Variants in TGM2 observed in about 807,000 individuals in gnomAD.
TGM2 encodes transglutaminase 2, also known as protein-glutamine gamma-glutamyltransferase 2.
TGM2 carries 53 observed loss-of-function variants against 75.6 expected under a neutral mutation model. The ratio of observed to expected loss-of-function variants is 0.70; its 90% CI spans 0.56 to 0.88. TGM2 has a LOEUF of 0.88. TGM2 is among the 40% of genes least tolerant of loss of function. The probability of loss-of-function intolerance (pLI) is 0.00; values close to 1 mark genes in which losing one functional copy is unlikely to be tolerated. For synonymous variants in TGM2, 374 were observed against 381.1 expected, an observed-to-expected ratio of 0.98 and a Z score of 0.22; for missense variants, 842 against 928.5, an observed-to-expected ratio of 0.91 and a Z score of 1.21.
rs781661081 is a variant in TGM2 at position 38,132,880 on chromosome 20, C to T, written c.1616-380G>A. The T allele has an allele frequency of 2.4e-5, 11 of 460,170 alleles. No homozygotes were observed. The Admixed American group carries it at 2.6e-4, about 11-fold the overall frequency. 28.5% of individuals were successfully genotyped at this position (460,170 alleles called of 1,614,324 possible). On this transcript the variant is annotated intron_variant, in intron 10 of 12. Transcript: ENST00000361475. ...GCGAGTGTCCCGGAAGAGCCTGGTGCGCTCGGGACTCAGGGTGTGTGAGCC... is the reference window on the plus strand; with the variant it reads ...GCGAGTGTCCCGGAAGAGCCTGGTGTGCTCGGGACTCAGGGTGTGTGAGCC...
Position 38,132,465 on chromosome 20 carries a change from AT to A in TGM2, c.1650del (p.Lys550AsnfsTer80). The A allele has an allele frequency of 6.2e-7, 1 of 1,614,160 alleles. No homozygotes were observed. Among genetic ancestry groups the A allele is most frequent in the Non-Finnish European group, 8.5e-7 (1 of 1,180,028 alleles). On this transcript the variant is annotated frameshift_variant, in exon 11 of 13. Coordinates refer to ENST00000361475, the MANE Select transcript of TGM2 (RefSeq NM_004613.4). LOFTEE classifies it high-confidence loss of function. ...KSVPLCILYE[K>X]YRDCLTESNL... ...TTGGACTCCGTAAGGCAGTCACGGT[AT>A]TTCTCATAGAGGATGCAAAGAGGAA...
chr20:38,138,280 A>G lies in TGM2; in HGVS notation c.1448T>C (p.Met483Thr). Residue 483 changes from methionine (M) to threonine (T), a missense_variant, in exon 10 of 13, where the codon ATG becomes ACG. Transcript: ENST00000361475. ...GACGTCAAAGTCACTGCCCATGTTC[A>G]TGCTCTGGCCCACACGGATCCGCAT... ...MAMRIRVGQS[M>T]NMGSDFDVFA... 6.2e-7 allele frequency: 1 copy of G among 1,614,176 alleles called. No homozygotes were observed. Among genetic ancestry groups the G allele is most frequent in the Non-Finnish European group, 8.5e-7 (1 of 1,180,014 alleles).
At chr20:38,137,685 C>T (rs764531385) in intron 10 of TGM2, among the ~76,000 whole-genome samples, 9 of 152,022 alleles carry the variant, frequency 5.9e-5, no homozygotes, top group African/African-American at 1.7e-4. Context: ...GAGAGGTTCT[C>T]GAAGGGCCCA....
chr20:38,139,762 C>T (rs1568686717), intron 8 of TGM2, 108 bp from the exon 9 acceptor site: 10 of 1,452,654 alleles, frequency 6.9e-6, no homozygotes, highest in Admixed American at 5.9e-5. Context: ...CAAGACCACG[C>T]GGCCCTCTGA....
upstream of TGM2, among the ~76,000 whole-genome samples, chr20:38,168,175 C>T (rs1011492354): frequency 2.0e-5 from 3 of 152,204 alleles, no homozygotes; most frequent in Non-Finnish European, 2.9e-5. Context: ...ACCTGAGTGA[C>T]GCATGGCGTT....
At chr20:38,167,542 T>C (rs1332869815), upstream of TGM2, among the ~76,000 whole-genome samples, 1 of 152,192 alleles carries the variant, frequency 6.6e-6, no homozygotes, top group Non-Finnish European at 1.5e-5. Context: ...TCTCACTATG[T>C]TGCCCAGGCT....
intron 9 of TGM2, among the ~76,000 whole-genome samples, 186 bp from the exon 10 acceptor site, chr20:38,138,571 C>T (rs1188429044): frequency 2.0e-5 from 3 of 152,202 alleles, no homozygotes; most frequent in Non-Finnish European, 4.4e-5. Context: ...AACTCCTATA[C>T]ATCCCTCAAG....
At chr20:38,133,958 G>C (rs557586512) in intron 10 of TGM2, among the ~76,000 whole-genome samples, 28 of 152,216 alleles carry the variant, frequency 1.8e-4, no homozygotes, top group Admixed American at 1.1e-3. Context: ...TACAAACAAA[G>C]TCATGCATAT....
chr20:38,165,405 C>A, upstream of TGM2: 1 of 687,528 alleles, frequency 1.5e-6, no homozygotes, highest in Non-Finnish European at 2.4e-6. Context: ...TGGGGCTCAC[C>A]CAGGGGACCG....
At chr20:38,153,452 G>C (rs2075139110) in intron 3 of TGM2, among the ~76,000 whole-genome samples, 1 of 151,302 alleles carries the variant, frequency 6.6e-6, no homozygotes, top group Non-Finnish European at 1.5e-5. Context: ...TTCAACCCGG[G>C]AGGCAGAGGT....
chr20:38,158,284 GAGA>G (rs1178365029), intron 2 of TGM2, among the ~76,000 whole-genome samples: 2 of 152,228 alleles, frequency 1.3e-5, no homozygotes, highest in African/African-American at 2.4e-5. Flanking sequence ...GGGGGAACAG[GAGA>G]AGGACAGGCT....
At chr20:38,144,046 G>A (rs1156651431) in intron 6 of TGM2, among the ~76,000 whole-genome samples, 1 of 152,208 alleles carries the variant, frequency 6.6e-6, no homozygotes, top group African/African-American at 2.4e-5. Flanking sequence ...CCTAACCACA[G>A]GTCTTATCCC....
chr20:38,135,831 C>T (rs551537998), intron 10 of TGM2, among the ~76,000 whole-genome samples: 4 of 152,242 alleles, frequency 2.6e-5, no homozygotes, highest in Admixed American at 6.5e-5. Context: ...AGGGCCCCAC[C>T]GTGTGCTGGT....
intron 2 of TGM2, 42 bp from the exon 3 acceptor site, chr20:38,156,131 G>C: frequency 1.9e-6 from 3 of 1,597,406 alleles, no homozygotes; most frequent in Non-Finnish European, 2.6e-6. Flanking sequence ...GGGGTAGCAG[G>C]GCTGGCAGGG....
rs45522634 is a variant in TGM2, at chr20:38,132,271, G to T, written c.1776+69C>A. The T allele has an allele frequency of 3.1e-3, 4,773 of 1,554,854 alleles. 201 individuals are homozygous for T. The Admixed American group carries it at 0.073, about 24-fold the overall frequency. Reference sequence around the variant, plus strand: ...AGGGATGCAGGTGTGTGGGGTGGGGGTAGGGATCTGCCCTCTCCCCAGCGC... The same window carrying T: ...AGGGATGCAGGTGTGTGGGGTGGGGTTAGGGATCTGCCCTCTCCCCAGCGC... On this transcript the variant is annotated intron_variant, in intron 11 of 12. Transcript: ENST00000361475.
At chr20:38,130,908 T>C (rs1260435638) in intron 12 of TGM2, among the ~76,000 whole-genome samples, 185 bp downstream of exon 12, 1 of 152,048 alleles carries the variant, frequency 6.6e-6, no homozygotes, top group Non-Finnish European at 1.5e-5. Context: ...ATGGGTGGTG[T>C]CAGCATTGAC....
At chr20:38,133,927 G>A (rs990688485) in intron 10 of TGM2, among the ~76,000 whole-genome samples, 1 of 152,068 alleles carries the variant, frequency 6.6e-6, no homozygotes, top group Non-Finnish European at 1.5e-5. Flanking sequence ...CCTGTCTCAA[G>A]GGGGAAAAAA....
chr20:38,167,934 G>T (rs368210305), upstream of TGM2, among the ~76,000 whole-genome samples: 1 of 152,164 alleles, frequency 6.6e-6, no homozygotes, highest in South Asian at 2.1e-4. Flanking sequence ...TAAAATGGGG[G>T]CAGTATTGGT....
At chr20:38,165,143 T>A (rs747013188) in intron 1 of TGM2, 46 bp downstream of exon 1, 1 of 1,613,900 alleles carries the variant, frequency 6.2e-7, no homozygotes, top group South Asian at 1.1e-5. Flanking sequence ...TGACCCCCAA[T>A]GCCCCGGGGC....
Sources: allele counts gnomAD v4.1 joint callset (sites outside exome capture counted in the v4.1 genomes callset), GRCh38; gene constraint gnomAD v4.1.1; transcripts MANE v1.5; gene names NCBI Gene and HGNC (gene_info 2026-07-23, HGNC 2026-07-21).